Variants in AGK observed in about 807,000 individuals in gnomAD.
The protein encoded by AGK is acylglycerol kinase, also known as acylglycerol kinase, mitochondrial.
Under a neutral mutation model 66.4 loss-of-function variants are expected in AGK, and 52 were observed. The observed-to-expected ratio is 0.78, with a 90% CI of 0.63 to 0.99. The LOEUF (loss-of-function observed/expected upper bound fraction) is 0.99, where lower values mean the gene tolerates loss of function less well. AGK is among the 50% of genes least tolerant of loss of function. The pLI, the probability that AGK is intolerant of heterozygous loss-of-function variation, is 0.00. For synonymous variants in AGK, 182 were observed against 181.1 expected (o/e 1.00, Z -0.04); for missense variants, 451 against 506.6 (o/e 0.89, Z 1.05).
chr7:141,567,865 C>T (rs1214706673), intron 2 of AGK, among the ~76,000 whole-genome samples: 1 of 152,180 alleles, frequency 6.6e-6, no homozygotes, highest in Non-Finnish European at 1.5e-5. Context: ...ACTGAACTGA[C>T]GCTTCCTAGC....
At chr7:141,574,057 G>T (rs983650667) in intron 2 of AGK, among the ~76,000 whole-genome samples, 3 of 152,052 alleles carry the variant, frequency 2.0e-5, no homozygotes, top group Non-Finnish European at 4.4e-5. Flanking sequence ...GGCACAAAAA[G>T]AACTAGTAAT....
At chr7:141,572,396 C>T (rs1440906792) in intron 2 of AGK, among the ~76,000 whole-genome samples, 1 of 152,136 alleles carries the variant, frequency 6.6e-6, no homozygotes, top group Admixed American at 6.6e-5. Flanking sequence ...AGCATGGGTG[C>T]CAAAGGCAGG....
At chr7:141,622,626 C>A (rs1796851032) in intron 9 of AGK, among the ~76,000 whole-genome samples, 1 of 152,184 alleles carries the variant, frequency 6.6e-6, no homozygotes, top group African/African-American at 2.4e-5. Flanking sequence ...GTTGACTGCT[C>A]CACCAACCAG....
At chr7:141,595,334 C>T (rs1796206112) in intron 3 of AGK, among the ~76,000 whole-genome samples, 1 of 152,096 alleles carries the variant, frequency 6.6e-6, no homozygotes, top group Non-Finnish European at 1.5e-5. Context: ...GGAAAAATTA[C>T]AGTATTTGGA....
chr7:141,633,424 CTT>C, intron 9 of AGK, among the ~76,000 whole-genome samples: 1 of 151,846 alleles, frequency 6.6e-6, no homozygotes, highest in East Asian at 1.9e-4. Context: ...TTTATTTCGA[CTT>C]TTTGTAACAC....
At chr7:141,603,922 G>A (rs1460146859) in intron 5 of AGK, among the ~76,000 whole-genome samples, 1 of 152,044 alleles carries the variant, frequency 6.6e-6, no homozygotes, top group Non-Finnish European at 1.5e-5. Flanking sequence ...TATCTACAGT[G>A]CCATTTTCAT....
At chr7:141,604,360 A>ATG (rs201739398) in intron 5 of AGK, among the ~76,000 whole-genome samples, 2,650 of 113,366 alleles carry the variant, frequency 0.023, 120 homozygotes, top group African/African-American at 0.078. Context: ...ATATGTATGA[A>ATG]TGTGTGTGTG....
rs370406078 is a variant in AGK at position 141,566,034 on chromosome 7, G to A, written c.101+10467G>A. Reference sequence around the variant, plus strand: ...TATACTTTAACACGTGGACCTTTCCGATCTTCGGAAGTGACATGTTCTTTC... The same window carrying A: ...TATACTTTAACACGTGGACCTTTCCAATCTTCGGAAGTGACATGTTCTTTC... On this transcript the variant is annotated intron_variant, in intron 2 of 15. Coordinates refer to ENST00000649286, the MANE Select transcript of AGK (RefSeq NM_018238.4). Among the ~76,000 whole-genome samples the A allele has an allele frequency of 6.6e-5, 10 of 152,296 alleles. No individual in the cohort carries two copies. The East Asian group carries it at 1.5e-3, about 24-fold the overall frequency.
At chr7:141,615,429 C>A in intron 7 of AGK, 42 bp from the exon 8 acceptor site, 2 of 1,546,106 alleles carry the variant, frequency 1.3e-6, no homozygotes, top group South Asian at 1.1e-5. Flanking sequence ...GCCTGATTTT[C>A]TGATCATAAC....
intron 6 of AGK, among the ~76,000 whole-genome samples, chr7:141,612,870 A>G (rs1289865031): frequency 6.6e-6 from 1 of 152,164 alleles, no homozygotes; most frequent in Non-Finnish European, 1.5e-5. Context: ...CGCACTGCTT[A>G]ATTTTTCATT....
intron 2 of AGK, among the ~76,000 whole-genome samples, chr7:141,587,272 G>T (rs961869720): frequency 6.6e-6 from 1 of 152,068 alleles, no homozygotes; most frequent in African/African-American, 2.4e-5. Context: ...CACCATCCTA[G>T]TTCCAGTCAT....
At chr7:141,633,377 T>C (rs1797099349) in intron 9 of AGK, among the ~76,000 whole-genome samples, 1 of 152,236 alleles carries the variant, frequency 6.6e-6, no homozygotes, top group Admixed American at 6.5e-5. Flanking sequence ...ATATGCAGTA[T>C]TTGGCCATAA....
intron 13 of AGK, among the ~76,000 whole-genome samples, chr7:141,648,264 T>G (rs1356270647): frequency 6.6e-6 from 1 of 152,250 alleles, no homozygotes; most frequent in African/African-American, 2.4e-5. Flanking sequence ...TATAATTTAC[T>G]ATGATCCATC....
In AGK at chr7:141,561,084, C is replaced by T. The variant is rs190510181; in HGVS notation, c.101+5517C>T. 6.6e-5 allele frequency among the ~76,000 whole-genome samples: 10 copies of T among 152,316 alleles called. No homozygotes were observed. In the East Asian group the frequency reaches 7.7e-4, roughly 12 times the overall value. On this transcript the variant is annotated intron_variant, in intron 2 of 15. Transcript: ENST00000649286. ...CTGGGATTACAGGCGTGAGCCACCG[C>T]GCCCGGCCCATTATTTCAGTTTATT... is the stretch of plus-strand genomic sequence containing the variant.
At chr7:141,613,359 C>G (rs1257234832) in intron 6 of AGK, among the ~76,000 whole-genome samples, 2 of 152,154 alleles carry the variant, frequency 1.3e-5, no homozygotes, top group African/African-American at 2.4e-5. Context: ...TGGCTCATGC[C>G]TGTAATCCCA....
At chr7:141,637,701 A>T (rs1311796565) in intron 11 of AGK, among the ~76,000 whole-genome samples, 1 of 152,186 alleles carries the variant, frequency 6.6e-6, no homozygotes, top group Non-Finnish European at 1.5e-5. Context: ...AAATTGGCAG[A>T]TGGGGTTTGA....
At position 141,653,845 on chromosome 7, in the gene AGK, A is replaced by G. The variant is rs1797624604; in HGVS notation, c.*921A>G. On this transcript the variant is annotated 3_prime_UTR_variant, in exon 16 of 16. Coordinates refer to ENST00000649286, the MANE Select transcript of AGK (RefSeq NM_018238.4). ...AAGTTAAATAGTTGACAAAGTATGTATTTGCTGGTGTCGTGTAAATATTGG... is the reference window on the plus strand; with the variant it reads ...AAGTTAAATAGTTGACAAAGTATGTGTTTGCTGGTGTCGTGTAAATATTGG... The G allele has an allele frequency of 6.6e-6, 1 of 152,202 alleles. No homozygotes were observed. Among genetic ancestry groups the G allele is most frequent in the African/African-American group, 2.4e-5 (1 of 41,452 alleles). 9.4% of individuals were successfully genotyped at this position (152,202 alleles called of 1,614,324 possible).
intron 14 of AGK, among the ~76,000 whole-genome samples, chr7:141,649,663 C>A (rs1054549882): frequency 6.6e-6 from 1 of 152,228 alleles, no homozygotes; most frequent in Admixed American, 6.5e-5. Context: ...ACTTACCCGA[C>A]GTCATGACTC....
intron 5 of AGK, among the ~76,000 whole-genome samples, chr7:141,604,085 C>G (rs532052249): frequency 3.9e-5 from 6 of 151,920 alleles, no homozygotes; most frequent in South Asian, 2.1e-4. Context: ...ATTACATATA[C>G]AGAAAATAGA....
Sources: allele counts gnomAD v4.1 joint callset (sites outside exome capture counted in the v4.1 genomes callset), GRCh38; gene constraint gnomAD v4.1.1; transcripts MANE v1.5; gene names NCBI Gene and HGNC (gene_info 2026-07-23, HGNC 2026-07-21).